The following FARS2 variants were observed in gnomAD, a reference collection of about 807,000 sequenced individuals.
FARS2 encodes the protein phenylalanyl-tRNA synthetase 2, mitochondrial.
In FARS2, 40 loss-of-function variants were observed where a neutral mutation model predicts 46.4. The observed-to-expected ratio is 0.86, with a 90% confidence interval of 0.67 to 1.12. The LOEUF (loss-of-function observed/expected upper bound fraction) is 1.12, where lower values mean the gene tolerates loss of function less well. Ranked by LOEUF, FARS2 falls within the 50% of genes most tolerant of loss-of-function variation. FARS2 has a pLI of 0.00. For synonymous variants in FARS2, 234 were observed against 214.9 expected, an observed-to-expected ratio of 1.09 and a Z score of -0.78; for missense variants, 513 against 567.9, an observed-to-expected ratio of 0.90 and a Z score of 0.98.
At chr6:5,404,728 T>A (rs1383613086) in intron 3 of FARS2, 27 bp downstream of exon 3, 1 of 1,490,734 alleles carries the variant, frequency 6.7e-7, no homozygotes, top group African/African-American at 1.4e-5. Flanking sequence ...AGGTTGACGA[T>A]CTCTTATCTG....
intron 4 of FARS2, among the ~76,000 whole-genome samples, chr6:5,539,363 T>C (rs531010168): frequency 2.4e-4 from 35 of 145,732 alleles, no homozygotes; most frequent in African/African-American, 6.9e-4. Flanking sequence ...CCCGCCACCA[T>C]GCCCACCTAA....
chr6:5,685,466 C>T (rs1277390026), intron 6 of FARS2, among the ~76,000 whole-genome samples: 2 of 152,202 alleles, frequency 1.3e-5, no homozygotes, highest in African/African-American at 4.8e-5. Flanking sequence ...CTGCAAGTCA[C>T]TATTGCACCA....
chr6:5,462,828 C>T (rs1765316528), intron 4 of FARS2, among the ~76,000 whole-genome samples: 1 of 152,198 alleles, frequency 6.6e-6, no homozygotes, highest in Non-Finnish European at 1.5e-5. Flanking sequence ...TTGTCAATCT[C>T]ACAAAAATGT....
intron 6 of FARS2, among the ~76,000 whole-genome samples, chr6:5,636,104 T>G (rs55834752): frequency 0.047 from 7,170 of 152,264 alleles, 456 homozygotes; most frequent in African/African-American, 0.14. Context: ...GTTTTGTTTT[T>G]TTTTTAATCA....
intron 1 of FARS2, among the ~76,000 whole-genome samples, chr6:5,304,752 T>G (rs1030814354): frequency 6.6e-6 from 1 of 152,244 alleles, no homozygotes; most frequent in African/African-American, 2.4e-5. Flanking sequence ...TGTCTAAGGA[T>G]AACATAATGG....
intron 4 of FARS2, among the ~76,000 whole-genome samples, chr6:5,499,314 G>A (rs1282740306): frequency 6.6e-6 from 1 of 152,174 alleles, no homozygotes; most frequent in Non-Finnish European, 1.5e-5. Flanking sequence ...GTCAGATAGT[G>A]TGGTGCTTCC....
At chr6:5,643,433 C>G (rs560856987) in intron 6 of FARS2, among the ~76,000 whole-genome samples, 1 of 152,182 alleles carries the variant, frequency 6.6e-6, no homozygotes, top group Non-Finnish European at 1.5e-5. Context: ...GGAGCCAAAA[C>G]GTGCAGGCTG....
intron 6 of FARS2, among the ~76,000 whole-genome samples, chr6:5,617,328 A>G (rs1359532900): frequency 6.6e-6 from 1 of 152,236 alleles, no homozygotes; most frequent in Non-Finnish European, 1.5e-5. Flanking sequence ...TACATATTGT[A>G]CAGATATTTA....
At chr6:5,260,559 C>T (rs1764996834), upstream of FARS2, 4 of 1,498,036 alleles carry the variant, frequency 2.7e-6, no homozygotes, top group South Asian at 4.8e-5. Context: ...CGGTGGCTCC[C>T]AGTCCCCGGG....
chr6:5,564,219 T>C lies in FARS2; in HGVS notation c.1065+18879T>C, dbSNP rs895285523. On this transcript the variant is annotated intron_variant, in intron 5 of 6. Coordinates refer to ENST00000274680, the MANE Select transcript of FARS2 (RefSeq NM_006567.5). ...GCAATTCCCACAAGTGTGGTGTGGG[T>C]AGGTAATTTCCATCTAAAATTTTAC... Among the ~76,000 whole-genome samples the C allele has an allele frequency of 5.3e-5, 8 of 152,262 alleles. No individual in the cohort carries two copies. In the East Asian group the frequency reaches 5.8e-4, roughly 11 times the overall value.
chr6:5,746,456 T>A (rs1031775688), intron 6 of FARS2, among the ~76,000 whole-genome samples: 1 of 152,158 alleles, frequency 6.6e-6, no homozygotes, highest in Non-Finnish European at 1.5e-5. Context: ...CCCATTGTCT[T>A]TGAGGTCCTG....
chr6:5,559,174 G>A (rs535070470), intron 5 of FARS2, among the ~76,000 whole-genome samples: 8 of 151,560 alleles, frequency 5.3e-5, no homozygotes, highest in South Asian at 2.1e-4. Context: ...AGGCTGAAGC[G>A]GGAAGATCGC....
At chr6:5,623,092 C>T (rs984690585) in intron 6 of FARS2, among the ~76,000 whole-genome samples, 11 of 152,198 alleles carry the variant, frequency 7.2e-5, no homozygotes, top group Non-Finnish European at 1.6e-4. Flanking sequence ...TTAGTTTCCT[C>T]ATCTACCACC....
intron 6 of FARS2, among the ~76,000 whole-genome samples, chr6:5,686,863 G>A (rs1016833128): frequency 1.3e-5 from 2 of 152,178 alleles, no homozygotes; most frequent in African/African-American, 4.8e-5. Flanking sequence ...TCCAGCACCT[G>A]TTGTTTCCTG....
At position 5,643,211 on chromosome 6, in the gene FARS2, G is replaced by A. The variant is rs148676517; in HGVS notation, c.1217+29891G>A. ...TTTCAGGAGGAGGGAGCAAATGTAC[G>A]TGGGTGAGGCAAAGAACTGAAATAA... On this transcript the variant is annotated intron_variant, in intron 6 of 6. Coordinates refer to ENST00000274680, the MANE Select transcript of FARS2 (RefSeq NM_006567.5). Among the ~76,000 whole-genome samples the A allele has an allele frequency of 3.4e-3, 521 of 152,314 alleles. 4 individuals carry two copies. Among genetic ancestry groups the A allele is most frequent in the Middle Eastern group, 0.02 (6 of 294 alleles).
rs573996374 is a variant in FARS2, at chr6:5,368,640, T to A, written c.70T>A (p.Ser24Thr). Residue 24 changes from serine (S) to threonine (T), a missense_variant, in exon 2 of 7, where the codon TCC (serine) becomes ACC (threonine). Ser to Thr is a moderately conservative substitution (Grantham distance 58). Coordinates refer to ENST00000274680, the MANE Select transcript of FARS2 (RefSeq NM_006567.5). ...CCTGGTGAGTAAGGCCAGTCACATCTCCAGAGGCCATCAGCACCAGGCCTG... is the reference window on the plus strand; with the variant it reads ...CCTGGTGAGTAAGGCCAGTCACATCACCAGAGGCCATCAGCACCAGGCCTG... ...VYLVSKASHISRGHQHQAWGS... is the reference protein window; with the variant it reads ...VYLVSKASHITRGHQHQAWGS... 22 of 1,614,098 alleles carry A rather than the reference T, an allele frequency of 1.4e-5. No individual in the cohort carries two copies. In the African/African-American group the frequency reaches 2.7e-4, roughly 20 times the overall value.
At position 5,311,116 on chromosome 6, in the gene FARS2, T is replaced by C. The variant is rs1157654064; in HGVS notation, c.-22+49456T>C. ...ACACATCAATGAGGCACTGGTTAAA[T>C]AAATCATGGTGCATCCAGGTGATGA... On this transcript the variant is annotated intron_variant, in intron 1 of 6. Transcript: ENST00000274680. This position sits in a 1 kb window ranked among gnomAD's most constrained non-coding sequence, Gnocchi z 4.1. Among the ~76,000 whole-genome samples, 1 of 152,208 alleles carries C rather than the reference T, an allele frequency of 6.6e-6. No homozygotes were observed. The highest frequency in any genetic ancestry group is 6.5e-5 in the Admixed American group (1 of 15,282).
At chr6:5,743,979 G>C (rs759828915) in intron 6 of FARS2, among the ~76,000 whole-genome samples, 3 of 152,166 alleles carry the variant, frequency 2.0e-5, no homozygotes, top group Non-Finnish European at 4.4e-5. Flanking sequence ...ATAGGAGCTC[G>C]GCCATTTGGG....
chr6:5,414,977 G>C (rs1762144776), intron 3 of FARS2, among the ~76,000 whole-genome samples: 1 of 151,640 alleles, frequency 6.6e-6, no homozygotes, highest in Admixed American at 6.6e-5. Flanking sequence ...ACCATGCCTG[G>C]GTAATTTTTT....
Sources: gnomAD v4.1 joint callset for allele counts (sites outside exome capture counted in the v4.1 genomes callset) on GRCh38, gnomAD v4.1.1 for gene constraint, Gnocchi (gnomAD v3.1) non-coding constraint, MANE v1.5 for transcripts, NCBI Gene and HGNC (gene_info 2026-07-23, HGNC 2026-07-21) for gene names.